Variants in PDE10A observed in about 807,000 individuals in gnomAD.
PDE10A encodes the protein cAMP and cAMP-inhibited cGMP 3',5'-cyclic phosphodiesterase 10A.
A neutral mutation model predicts 97.7 loss-of-function variants in PDE10A; 39 were observed. That is an observed-to-expected ratio of 0.40 (90% CI 0.31 to 0.52). PDE10A has a LOEUF of 0.52. Ranked by LOEUF, PDE10A falls within the 20% of genes least tolerant of loss-of-function variation. The pLI is 0.56. For missense variants in PDE10A, 731 were observed against 1,047.8 expected, an observed-to-expected ratio of 0.70 and a Z score of 4.17; for synonymous variants, 371 against 376.8, an observed-to-expected ratio of 0.98 and a Z score of 0.18.
chr6:165,905,878 G>C (rs1782246948), intron 1 of PDE10A, among the ~76,000 whole-genome samples: 1 of 152,014 alleles, frequency 6.6e-6, no homozygotes, highest in South Asian at 2.1e-4. Flanking sequence ...CACAAATCTA[G>C]TCATAAAAGT....
intron 2 of PDE10A, among the ~76,000 whole-genome samples, chr6:165,502,394 T>G (rs1780942672): frequency 6.6e-6 from 1 of 152,180 alleles, no homozygotes; most frequent in Admixed American, 6.5e-5. Flanking sequence ...ACACATAAAA[T>G]TCTCTTACAA....
chr6:165,831,085 G>A (rs1779897661), intron 1 of PDE10A, among the ~76,000 whole-genome samples: 1 of 152,040 alleles, frequency 6.6e-6, no homozygotes, highest in African/African-American at 2.4e-5. Flanking sequence ...CCTCCCTTCT[G>A]GTAAGAAAGG....
At chr6:165,922,781 A>G (rs545490182) in intron 1 of PDE10A, among the ~76,000 whole-genome samples, 1 of 152,206 alleles carries the variant, frequency 6.6e-6, no homozygotes, top group African/African-American at 2.4e-5. Context: ...AGATCTGCTC[A>G]CAACTGTTTT....
intron 1 of PDE10A, among the ~76,000 whole-genome samples, chr6:165,774,517 A>C (rs1778109839): frequency 6.8e-6 from 1 of 148,068 alleles, no homozygotes; most frequent in African/African-American, 2.4e-5. Context: ...ATATATTTAT[A>C]TATTACATAT....
At chr6:165,349,948 G>T (rs1028486146) in intron 18 of PDE10A, among the ~76,000 whole-genome samples, 2 of 152,236 alleles carry the variant, frequency 1.3e-5, no homozygotes, top group African/African-American at 2.4e-5. Flanking sequence ...GAAAAGCCTG[G>T]ATGTCCAGGC....
intron 1 of PDE10A, among the ~76,000 whole-genome samples, chr6:165,817,931 G>T (rs565884081): frequency 3.0e-4 from 46 of 152,162 alleles, no homozygotes; most frequent in Non-Finnish European, 6.2e-4. Flanking sequence ...GACCCTACCT[G>T]CCTCACATCC....
chr6:165,981,745 G>A (rs73027598), intron 1 of PDE10A, among the ~76,000 whole-genome samples: 7,272 of 152,268 alleles, frequency 0.048, 238 homozygotes, highest in Non-Finnish European at 0.072. Context: ...AAAAATGCAT[G>A]CTTGTATGAC....
At chr6:165,874,136 G>T (rs1781273335) in intron 1 of PDE10A, among the ~76,000 whole-genome samples, 1 of 152,196 alleles carries the variant, frequency 6.6e-6, no homozygotes, top group East Asian at 1.9e-4. Flanking sequence ...AGGAGACAGG[G>T]GAGGAGAAGC....
chr6:165,670,044 G>A (rs559119554), intron 1 of PDE10A, among the ~76,000 whole-genome samples: 2 of 152,210 alleles, frequency 1.3e-5, no homozygotes, highest in Non-Finnish European at 1.5e-5. Flanking sequence ...CACCTGGAAG[G>A]TTGCATTTGC....
At chr6:165,793,018 C>T (rs1778700270) in intron 1 of PDE10A, among the ~76,000 whole-genome samples, 1 of 152,194 alleles carries the variant, frequency 6.6e-6, no homozygotes, top group Middle Eastern at 3.4e-3. Flanking sequence ...ATTAGCTCTC[C>T]ATTTCATAAT....
intron 18 of PDE10A, among the ~76,000 whole-genome samples, chr6:165,367,782 T>G (rs952823126): frequency 1.9e-4 from 28 of 145,922 alleles, no homozygotes; most frequent in African/African-American, 6.5e-4. Context: ...GAAGCCACAA[T>G]AAAGCCATTC....
At chr6:165,986,014 TG>T (rs1240927487) in intron 1 of PDE10A, 1 of 152,704 alleles carries the variant, frequency 6.5e-6, no homozygotes, top group African/African-American at 2.4e-5. Flanking sequence ...TGATGAAGCG[TG>T]GCGAGGGCAT....
At chr6:165,830,737 C>A (rs1393463713) in intron 1 of PDE10A, among the ~76,000 whole-genome samples, 3 of 152,136 alleles carry the variant, frequency 2.0e-5, no homozygotes, top group South Asian at 2.1e-4. Context: ...CACCTAACAC[C>A]CCTATAAGCA....
intron 18 of PDE10A, among the ~76,000 whole-genome samples, chr6:165,354,989 T>G (rs1252025323): frequency 6.6e-6 from 1 of 152,196 alleles, no homozygotes; most frequent in African/African-American, 2.4e-5. Context: ...ATAACTTTAC[T>G]CATTATAATG....
At chr6:165,430,198 A>G (rs1449445665) in intron 9 of PDE10A, 89 bp downstream of exon 9, 1 of 838,966 alleles carries the variant, frequency 1.2e-6, no homozygotes, top group Non-Finnish European at 2.0e-6. Context: ...TATCAGCTGC[A>G]ATAGACAATG....
At chr6:165,945,253 G>A (rs1342689342) in intron 1 of PDE10A, among the ~76,000 whole-genome samples, 2 of 152,102 alleles carry the variant, frequency 1.3e-5, no homozygotes, top group East Asian at 3.9e-4. Context: ...AGTTCCTCCA[G>A]CCCCAGTAAA....
chr6:165,684,726 T>C (rs530452801), intron 1 of PDE10A, among the ~76,000 whole-genome samples: 61 of 152,366 alleles, frequency 4.0e-4, no homozygotes, highest in African/African-American at 1.5e-3. Context: ...AAAGGTTACA[T>C]GCATATAATG....
At chr6:165,558,869 T>C (rs1784387762) in intron 1 of PDE10A, among the ~76,000 whole-genome samples, 2 of 152,242 alleles carry the variant, frequency 1.3e-5, no homozygotes, top group East Asian at 1.9e-4. Flanking sequence ...AGTTAATGAG[T>C]GCAGCACACC....
At chr6:165,692,775 G>A (rs12055399) in intron 1 of PDE10A, among the ~76,000 whole-genome samples, 16,130 of 152,140 alleles carry the variant, frequency 0.11, 1,471 homozygotes, top group East Asian at 0.26. Context: ...AAATCATATT[G>A]TATCCACCTT....
Sources: gnomAD v4.1 joint callset for allele counts (sites outside exome capture counted in the v4.1 genomes callset) on GRCh38, gnomAD v4.1.1 for gene constraint, MANE v1.5 for transcripts, NCBI Gene and HGNC (gene_info 2026-07-23, HGNC 2026-07-21) for gene names.